NUDCD1: variants seen among roughly 807,000 people sequenced by gnomAD.
The protein encoded by NUDCD1 is NudC domain containing 1.
Under a neutral mutation model 67.8 loss-of-function variants are expected in NUDCD1, and 60 were observed. The ratio of observed to expected loss-of-function variants is 0.88; its 90% CI spans 0.72 to 1.10. The LOEUF is 1.10. Among genes scored for constraint, NUDCD1 ranks in the 50% least tolerant of loss-of-function variants. The pLI, the probability that NUDCD1 is intolerant of heterozygous loss-of-function variation, is 0.00. For synonymous variants in NUDCD1, 244 were observed against 230.8 expected (o/e 1.06, Z -0.52); for missense variants, 643 against 695.0 (o/e 0.93, Z 0.84).
intron 5 of NUDCD1, among the ~76,000 whole-genome samples, chr8:109,283,269 T>A (rs980045899): frequency 2.0e-5 from 3 of 152,076 alleles, no homozygotes. Context: ...TTTAAAAAAA[T>A]GAACAAAGTC....
intron 8 of NUDCD1, among the ~76,000 whole-genome samples, chr8:109,247,963 T>C (rs1164069709): frequency 6.6e-6 from 1 of 152,160 alleles, no homozygotes; most frequent in African/African-American, 2.4e-5. Flanking sequence ...AGGGACTTTG[T>C]AGATGTGGTT....
intron 4 of NUDCD1, among the ~76,000 whole-genome samples, chr8:109,290,672 A>G (rs1814692484): frequency 6.6e-6 from 1 of 152,140 alleles, no homozygotes; most frequent in South Asian, 2.1e-4. Flanking sequence ...TTTCTGACAA[A>G]TTAAACTTAT....
At chr8:109,308,666 C>T (rs1815166514) in intron 2 of NUDCD1, among the ~76,000 whole-genome samples, 1 of 151,636 alleles carries the variant, frequency 6.6e-6, no homozygotes, top group Non-Finnish European at 1.5e-5. Flanking sequence ...TAAAAATTAC[C>T]AATAAAAAAA....
intron 1 of NUDCD1, chr8:109,329,715 T>C (rs1815760093): frequency 1.3e-5 from 16 of 1,197,532 alleles, no homozygotes; most frequent in Non-Finnish European, 1.8e-5. Flanking sequence ...TCACAACTTC[T>C]TAAGTTGTAC....
chr8:109,299,810 G>T (rs111946222), intron 2 of NUDCD1, among the ~76,000 whole-genome samples: 5,617 of 152,162 alleles, frequency 0.037, 370 homozygotes, highest in African/African-American at 0.13. Context: ...CAAAAATAGC[G>T]CATTAAATCA....
Position 109,241,041 on chromosome 8 carries a change from T to G in NUDCD1, c.*1968A>C, listed in dbSNP as rs1354534824. The stretch of plus-strand genomic sequence containing the variant: ...ATTCTTAGCACTTGTAGTATATATC[T>G]CAATGTTCTAAGTATATGTACCTTA... On this transcript the variant is annotated 3_prime_UTR_variant, in exon 10 of 10. Coordinates refer to ENST00000239690, the MANE Select transcript of NUDCD1 (RefSeq NM_032869.4). The G allele has an allele frequency of 6.6e-6, 1 of 152,088 alleles. No homozygotes were observed. Among genetic ancestry groups the G allele is most frequent in the African/African-American group, 2.4e-5 (1 of 41,430 alleles). 9.4% of individuals were successfully genotyped at this position (152,088 alleles called of 1,614,324 possible).
chr8:109,255,527 CTTT>C, intron 8 of NUDCD1, among the ~76,000 whole-genome samples: 1 of 151,800 alleles, frequency 6.6e-6, no homozygotes, highest in East Asian at 1.9e-4. Flanking sequence ...AAAACTGATA[CTTT>C]TTTTTCATTT....
chr8:109,331,064 C>A (rs773879394), intron 1 of NUDCD1, among the ~76,000 whole-genome samples: 1 of 152,150 alleles, frequency 6.6e-6, no homozygotes, highest in Middle Eastern at 3.4e-3. Flanking sequence ...AAAAATCGGT[C>A]GGAGCAGTGG....
At chr8:109,312,593 A>T (rs1195040008) in intron 2 of NUDCD1, among the ~76,000 whole-genome samples, 2 of 150,710 alleles carry the variant, frequency 1.3e-5, no homozygotes, top group African/African-American at 2.4e-5. Context: ...AGATCCACGT[A>T]ACAAGTATGT....
At chr8:109,297,114 A>G (rs532769280) in intron 2 of NUDCD1, among the ~76,000 whole-genome samples, 2 of 152,218 alleles carry the variant, frequency 1.3e-5, no homozygotes, top group African/African-American at 2.4e-5. Flanking sequence ...GTTTCAAGTC[A>G]CTAAGTTTTG....
Position 109,298,084 on chromosome 8 carries a change from T to G in NUDCD1, c.274-1515A>C, listed in dbSNP as rs1393685172. Among the ~76,000 whole-genome samples, 4 of 152,248 alleles carry G rather than the reference T, an allele frequency of 2.6e-5. No individual in the cohort carries two copies. In the East Asian group the frequency reaches 7.7e-4, roughly 29 times the overall value. ...AACAGCACCTTTCCTTCCTTTCATA[T>G]TTTACTGCTTTATATAATATTAAAT... On this transcript the variant is annotated intron_variant, in intron 2 of 9. Transcript: ENST00000239690.
At chr8:109,307,555 G>T (rs376023170) in intron 2 of NUDCD1, among the ~76,000 whole-genome samples, 2 of 151,912 alleles carry the variant, frequency 1.3e-5, no homozygotes, top group Non-Finnish European at 1.5e-5. Context: ...AAATCACACA[G>T]GACCTATGAA....
intron 3 of NUDCD1, among the ~76,000 whole-genome samples, chr8:109,294,586 T>C (rs1029679836): frequency 1.3e-5 from 2 of 152,028 alleles, no homozygotes; most frequent in African/African-American, 4.8e-5. Flanking sequence ...TTATTGTTTC[T>C]TTTTTTCTTT....
intron 5 of NUDCD1, among the ~76,000 whole-genome samples, chr8:109,286,599 C>T (rs915394705): frequency 6.6e-6 from 1 of 151,990 alleles, no homozygotes; most frequent in African/African-American, 2.4e-5. Flanking sequence ...GAAACTGGTC[C>T]CCTACCTCTC....
intron 5 of NUDCD1, among the ~76,000 whole-genome samples, chr8:109,282,772 G>A (rs1814481868): frequency 1.3e-5 from 2 of 151,470 alleles, no homozygotes; most frequent in Admixed American, 1.3e-4. Flanking sequence ...TATGGCACGT[G>A]TATACCTATG....
chr8:109,257,836 C>T (rs1250067184), intron 8 of NUDCD1, among the ~76,000 whole-genome samples: 1 of 152,070 alleles, frequency 6.6e-6, no homozygotes, highest in Non-Finnish European at 1.5e-5. Context: ...CATATAAATA[C>T]ATGTCTATGA....
chr8:109,331,796 A>C (rs181638584), intron 1 of NUDCD1, among the ~76,000 whole-genome samples: 3 of 152,324 alleles, frequency 2.0e-5, no homozygotes, highest in Admixed American at 6.5e-5. Flanking sequence ...AGTTGGCAGA[A>C]CTACAGCAGC....
chr8:109,305,047 C>A (rs956221209), intron 2 of NUDCD1, among the ~76,000 whole-genome samples: 1 of 152,174 alleles, frequency 6.6e-6, no homozygotes, highest in South Asian at 2.1e-4. Context: ...CATTTCCTTT[C>A]CATCGTGGAA....
chr8:109,322,520 A>T, intron 1 of NUDCD1, 57 bp from the exon 2 acceptor site: 1 of 1,397,000 alleles, frequency 7.2e-7, no homozygotes, highest in African/African-American at 1.4e-5. Context: ...GATAGTTTCT[A>T]TCTGTAGAAT....
Sources: gnomAD v4.1 joint callset for allele counts (sites outside exome capture counted in the v4.1 genomes callset) on GRCh38, gnomAD v4.1.1 for gene constraint, MANE v1.5 for transcripts, NCBI Gene and HGNC (gene_info 2026-07-23, HGNC 2026-07-21) for gene names.